PCLO: variants seen among roughly 807,000 people sequenced by gnomAD.
PCLO encodes piccolo presynaptic cytomatrix protein, also known as protein piccolo.
A neutral mutation model predicts 427.5 loss-of-function variants in PCLO; 82 were observed. The ratio of observed to expected loss-of-function variants is 0.19; its 90% CI spans 0.16 to 0.23. PCLO has a LOEUF of 0.23. PCLO is among the 10% of genes least tolerant of loss of function. The probability of loss-of-function intolerance (pLI) is 1.00; values close to 1 mark genes in which losing one functional copy is unlikely to be tolerated. For missense variants in PCLO, 6,239 were observed against 6,115.9 expected, an observed-to-expected ratio of 1.02 and a Z score of -0.67; for synonymous variants, 2,357 against 2,155.4, an observed-to-expected ratio of 1.09 and a Z score of -2.59.
intron 14 of PCLO, among the ~76,000 whole-genome samples, chr7:82,840,100 A>T (rs1428969382): frequency 6.6e-6 from 1 of 152,112 alleles, no homozygotes; most frequent in African/African-American, 2.4e-5. Flanking sequence ...ACAGAAGTTT[A>T]AAAATAGTAG....
chr7:83,127,732 C>T (rs574657307), intron 3 of PCLO, among the ~76,000 whole-genome samples: 8 of 152,088 alleles, frequency 5.3e-5, no homozygotes, highest in African/African-American at 1.9e-4. Flanking sequence ...TAAACAGACT[C>T]AAGAGTTCTG....
At chr7:83,095,311 T>C (rs1790505030) in intron 3 of PCLO, among the ~76,000 whole-genome samples, 1 of 152,116 alleles carries the variant, frequency 6.6e-6, no homozygotes, top group Non-Finnish European at 1.5e-5. Context: ...CTTGTTTCAT[T>C]ACTGATAGTG....
At chr7:82,882,991 A>G (rs1793544840) in intron 9 of PCLO, among the ~76,000 whole-genome samples, 1 of 152,132 alleles carries the variant, frequency 6.6e-6, no homozygotes, top group African/African-American at 2.4e-5. Flanking sequence ...TATAATTAGA[A>G]CATTACATTT....
chr7:82,964,888 A>C (rs139556679), intron 4 of PCLO, among the ~76,000 whole-genome samples: 81 of 152,328 alleles, frequency 5.3e-4, no homozygotes, highest in African/African-American at 1.9e-3. Context: ...AGAAAACACA[A>C]TTGAATCACA....
In PCLO at chr7:82,847,237, T is replaced by C. The variant is rs1400290889; in HGVS notation, c.13665A>G (p.Val4555=). 6.3e-7 allele frequency: 1 copy of C among 1,577,720 alleles called. No homozygotes were observed. The highest frequency in any genetic ancestry group is 8.7e-7 in the Non-Finnish European group (1 of 1,155,758). The change falls in exon 11 of 25, where the codon GTA becomes GTG. Residue 4555 remains valine (V), a synonymous_variant. Coordinates refer to ENST00000333891, the MANE Select transcript of PCLO (RefSeq NM_033026.6). The stretch of plus-strand genomic sequence containing the variant: ...TCAAGGGAATTCCATTCCATTCCAA[T>C]ACTTGCATCCCTAGAAAGACAAATT... ...QTGKLMEGMQ[V]LEWNGIPLTS... is the part of the protein sequence containing the mutation.
intron 22 of PCLO, among the ~76,000 whole-genome samples, chr7:82,771,759 G>A (rs941737529): frequency 4.6e-5 from 7 of 152,110 alleles, no homozygotes; most frequent in South Asian, 2.1e-4. Flanking sequence ...ACTCCTAGGC[G>A]TGTATATATT....
At chr7:82,894,521 A>C (rs1389153297) in intron 9 of PCLO, 3 of 152,218 alleles carry the variant, frequency 2.0e-5, no homozygotes, top group Non-Finnish European at 2.9e-5. Flanking sequence ...ATCAGATCTC[A>C]TGAGACTTAT....
chr7:83,141,030 A>G (rs1791847113), intron 2 of PCLO, among the ~76,000 whole-genome samples: 1 of 152,172 alleles, frequency 6.6e-6, no homozygotes, highest in East Asian at 1.9e-4. Flanking sequence ...CAGAAGATGG[A>G]GAAGTTAGGC....
intron 22 of PCLO, among the ~76,000 whole-genome samples, chr7:82,766,812 T>C (rs1471678637): frequency 6.6e-6 from 1 of 152,170 alleles, no homozygotes; most frequent in Non-Finnish European, 1.5e-5. Context: ...TCACATTGCT[T>C]GTTTCTTTCT....
chr7:82,762,821 C>T (rs1405411505), intron 22 of PCLO, among the ~76,000 whole-genome samples: 2 of 151,924 alleles, frequency 1.3e-5, no homozygotes, highest in Non-Finnish European at 2.9e-5. Context: ...CTTCTTCCTT[C>T]TGTAGAGATG....
intron 12 of PCLO, among the ~76,000 whole-genome samples, 182 bp from the exon 13 acceptor site, chr7:82,845,667 TGAG>T (rs1792482916): frequency 6.6e-6 from 1 of 152,174 alleles, no homozygotes; most frequent in African/African-American, 2.4e-5. Context: ...TACAAGGCTC[TGAG>T]AAGAGTGACA....
Position 83,155,614 on chromosome 7 carries a change from C to G in PCLO, c.1027G>C (p.Ala343Pro), listed in dbSNP as rs745499702. The change falls in exon 2 of 25, where the codon GCT becomes CCT. Residue 343 changes from alanine (A) to proline (P), a missense_variant. Ala to Pro is a conservative substitution (Grantham distance 27). Transcript: ENST00000333891. The stretch of plus-strand genomic sequence containing the variant: ...GGTTTCACTGTCCCTGGTTGTTGAG[C>G]CAATGGCTTTGTTAGCCCTGAGGGC... Reference protein sequence around the residue: ...AQPSGLTKPLAQQPGTVKPPV... With the variant: ...AQPSGLTKPLPQQPGTVKPPV... 9.9e-6 allele frequency: 16 copies of G among 1,613,248 alleles called. 1 individual carries two copies. In the Admixed American group the frequency reaches 1.0e-4, roughly 10 times the overall value.
Position 82,900,071 on chromosome 7 carries a change from C to T in PCLO, c.13528+2580G>A, listed in dbSNP as rs1173644016. ...GAGCCCTTGGATTTTAACATTCACCCTGGAATTTTCATCAGTACTTAAAAT... is the reference window on the plus strand; with the variant it reads ...GAGCCCTTGGATTTTAACATTCACCTTGGAATTTTCATCAGTACTTAAAAT... On this transcript the variant is annotated intron_variant, in intron 9 of 24. Transcript: ENST00000333891. Among the ~76,000 whole-genome samples the T allele has an allele frequency of 7.3e-5, 11 of 151,722 alleles. No individual in the cohort carries two copies. The East Asian group carries it at 1.7e-3, about 24-fold the overall frequency.
At chr7:83,104,011 T>C (rs892171163) in intron 3 of PCLO, among the ~76,000 whole-genome samples, 7 of 152,012 alleles carry the variant, frequency 4.6e-5, no homozygotes, top group African/African-American at 1.7e-4. Flanking sequence ...AAGTTGAAAA[T>C]TGTTGTTCAT....
rs190367552 is a variant in PCLO at position 83,110,118 on chromosome 7, C to A, written c.3300+24132G>T. Among the ~76,000 whole-genome samples the A allele has an allele frequency of 4.6e-5, 7 of 151,086 alleles. No homozygotes were observed. In the Admixed American group the frequency reaches 4.7e-4, roughly 10 times the overall value. On this transcript the variant is annotated intron_variant, in intron 3 of 24. Coordinates refer to ENST00000333891, the MANE Select transcript of PCLO (RefSeq NM_033026.6). ...AGTACATACTAGATTATACAACTTA[C>A]AATGTACCATGTTTTCTTTATATAA...
chr7:83,053,587 G>T (rs1027491022), intron 3 of PCLO, among the ~76,000 whole-genome samples: 1 of 151,868 alleles, frequency 6.6e-6, no homozygotes, highest in African/African-American at 2.4e-5. Context: ...ACTTTGGTAA[G>T]CTCCCTTAAA....
At chr7:83,067,843 T>G (rs1379824295) in intron 3 of PCLO, among the ~76,000 whole-genome samples, 1 of 143,232 alleles carries the variant, frequency 7.0e-6, no homozygotes, top group African/African-American at 2.6e-5. Context: ...AAATCCCTCC[T>G]GTGTAAAGAA....
chr7:82,956,669 A>G lies in PCLO; in HGVS notation c.4284T>C (p.Ala1428=). ...GTGTTTTCTTTTCTGACTTTTCATC[A>G]GCAAGTGTACTTGCTTGAGCTTCCA... ...SILEAQASTL[A]DEKSEKKTQP... The change falls in exon 5 of 25, where the codon GCT becomes GCC. Residue 1428 remains alanine (A), a synonymous_variant. Coordinates refer to ENST00000333891, the MANE Select transcript of PCLO (RefSeq NM_033026.6). 4 of 1,613,906 alleles carry G rather than the reference A, an allele frequency of 2.5e-6. No homozygotes were observed. In the South Asian group the frequency reaches 4.4e-5, roughly 18 times the overall value.
rs1791071310 is a variant in PCLO, at chr7:82,790,109, C to A, written c.15007+11409G>T. Among the ~76,000 whole-genome samples, 4 of 152,138 alleles carry A rather than the reference C, an allele frequency of 2.6e-5. No individual in the cohort carries two copies. The South Asian group carries it at 8.3e-4, about 31-fold the overall frequency. ...AGAGCTGTCTGTCCTGCTTTTCGCA[C>A]CTCTGCCCCTGCTTGCATTCCAGTC... is the stretch of plus-strand genomic sequence containing the variant. On this transcript the variant is annotated intron_variant, in intron 22 of 24. Transcript: ENST00000333891.
Sources: gnomAD v4.1 joint callset for allele counts (sites outside exome capture counted in the v4.1 genomes callset) on GRCh38, gnomAD v4.1.1 for gene constraint, MANE v1.5 for transcripts, NCBI Gene and HGNC (gene_info 2026-07-23, HGNC 2026-07-21) for gene names.